UBE4B: variants seen among roughly 807,000 people sequenced by gnomAD.
UBE4B encodes the protein ubiquitination factor E4B.
A neutral mutation model predicts 148.1 loss-of-function variants in UBE4B; 27 were observed. That is an observed-to-expected ratio of 0.18 (90% CI 0.13 to 0.25). The LOEUF (loss-of-function observed/expected upper bound fraction) is 0.25. UBE4B is among the 10% of genes least tolerant of loss of function. The pLI, the probability that UBE4B is intolerant of heterozygous loss-of-function variation, is 1.00. For synonymous variants in UBE4B, 596 were observed against 619.3 expected (o/e 0.96, Z 0.56); for missense variants, 1,170 against 1,662.4 (o/e 0.70, Z 5.15).
intron 4 of UBE4B, among the ~76,000 whole-genome samples, chr1:10,101,974 A>AGG (rs1645019584): frequency 7.0e-6 from 1 of 143,564 alleles, no homozygotes; most frequent in African/African-American, 2.9e-5. Flanking sequence ...CTCTGCATTT[A>AGG]GGGTGTGTGT....
Position 10,102,391 on chromosome 1 carries a change from C to CTTTTTTTTTT in UBE4B, c.436-529_436-520dup, listed in dbSNP as rs33997625. Among the ~76,000 whole-genome samples, 85 of 51,564 alleles carry CTTTTTTTTTT rather than the reference C, an allele frequency of 1.6e-3. 29 individuals carry two copies. The highest frequency in any genetic ancestry group is 2.6e-3 in the East Asian group (4 of 1,568). 33.8% of individuals were successfully genotyped at this position (51,564 alleles called of 152,430 possible). On this transcript the variant is annotated intron_variant, in intron 4 of 27. Transcript: ENST00000343090. ...GGTGACTTTTGATAATGACTTTGCT[C>CTTTTTTTTTT]TTTTTTTTTTTTTTTTTTTTTTTTT...
At chr1:10,131,213 A>G (rs1645587112) in intron 14 of UBE4B, among the ~76,000 whole-genome samples, 1 of 152,236 alleles carries the variant, frequency 6.6e-6, no homozygotes, top group Non-Finnish European at 1.5e-5. Flanking sequence ...GTGATGGCTC[A>G]TGCCTGTAAT....
chr1:10,093,364 A>T (rs1421543171), intron 2 of UBE4B, among the ~76,000 whole-genome samples: 7 of 152,184 alleles, frequency 4.6e-5, no homozygotes, highest in Non-Finnish European at 1.0e-4. Flanking sequence ...GAAATTAATG[A>T]ATCAAAAGTT....
At position 10,126,827 on chromosome 1, in the gene UBE4B, G is replaced by C; in HGVS notation, c.1588G>C (p.Ala530Pro). 2 of 1,613,876 alleles carry C rather than the reference G, an allele frequency of 1.2e-6. No homozygotes were observed. The highest frequency in any genetic ancestry group is 2.2e-5 in the South Asian group (2 of 91,064). ...FIPILQGLAL[A>P]AKECSLDSDY... is the part of the protein sequence containing the mutation. The stretch of plus-strand genomic sequence containing the variant: ...CCCCATTTTACAAGGCCTGGCTCTT[G>C]CTGCCAAAGAGTGCTCCCTCGACAG... The change falls in exon 11 of 28, where the codon GCT (alanine) becomes CCT (proline). Residue 530 changes from alanine (A) to proline (P), a missense_variant. By Grantham distance (27) the Ala-to-Pro change is conservative (BLOSUM62 -1). This residue lies in a region of UBE4B where 388 missense variants were observed against 536.0 expected (regional missense o/e 0.72). Coordinates refer to ENST00000343090, the MANE Select transcript of UBE4B (RefSeq NM_001105562.3).
intron 4 of UBE4B, among the ~76,000 whole-genome samples, chr1:10,101,496 TG>T (rs1645010760): frequency 7.0e-6 from 1 of 143,358 alleles, no homozygotes; most frequent in Admixed American, 7.1e-5. Flanking sequence ...GTTGGTCTTT[TG>T]CTTTTTTTTT....
chr1:10,103,135 A>G (rs779373122), intron 5 of UBE4B, 43 bp downstream of exon 5: 23 of 1,527,822 alleles, frequency 1.5e-5, no homozygotes, highest in Non-Finnish European at 1.9e-5. Context: ...GTACTCGACA[A>G]GAAAATAAGA....
chr1:10,043,352 C>T (rs950561639), intron 1 of UBE4B, among the ~76,000 whole-genome samples: 3 of 150,096 alleles, frequency 2.0e-5, no homozygotes, highest in Non-Finnish European at 3.0e-5. Context: ...GTTTTTCAAT[C>T]ATTTCTGAGA....
chr1:10,078,076 C>T (rs377002186), intron 2 of UBE4B, among the ~76,000 whole-genome samples: 1 of 151,986 alleles, frequency 6.6e-6, no homozygotes, highest in Non-Finnish European at 1.5e-5. Context: ...GTGGCACGAT[C>T]TTGGCTCACT....
At chr1:10,170,136 A>G (rs74499985) in intron 24 of UBE4B, among the ~76,000 whole-genome samples, 2,498 of 152,208 alleles carry the variant, frequency 0.016, 59 homozygotes, top group African/African-American at 0.055. Context: ...CCTTTGCTAC[A>G]CTATTTACTA....
At chr1:10,142,254 A>G (rs1645794464) in intron 17 of UBE4B, among the ~76,000 whole-genome samples, 1 of 152,132 alleles carries the variant, frequency 6.6e-6, no homozygotes, top group Non-Finnish European at 1.5e-5. Context: ...AAGGCCTGTT[A>G]CCTATAAACT....
chr1:10,078,194 A>G (rs921782248), intron 2 of UBE4B, among the ~76,000 whole-genome samples: 7 of 152,078 alleles, frequency 4.6e-5, no homozygotes, highest in Non-Finnish European at 8.8e-5. Context: ...TTTTTAGTAG[A>G]GACAGGGTTT....
chr1:10,072,875 T>A (rs1156489643), intron 2 of UBE4B: 1 of 156,716 alleles, frequency 6.4e-6, no homozygotes, highest in Admixed American at 6.5e-5. Flanking sequence ...TAATTAGGAT[T>A]CTAGTTGCGT....
chr1:10,076,174 G>A (rs1249345397), intron 2 of UBE4B, among the ~76,000 whole-genome samples: 1 of 152,028 alleles, frequency 6.6e-6, no homozygotes, highest in Non-Finnish European at 1.5e-5. Context: ...GGTCTAATGG[G>A]TAGATTTATT....
At chr1:10,076,415 T>C (rs1285485399) in intron 2 of UBE4B, among the ~76,000 whole-genome samples, 2 of 152,082 alleles carry the variant, frequency 1.3e-5, no homozygotes, top group East Asian at 3.9e-4. Flanking sequence ...AGCTAATTTT[T>C]GTATTTTTAG....
rs1250605304 is a variant in UBE4B at position 10,106,885 on chromosome 1, T to TTGGTCTG, written c.1196+302_1196+303insTGGTCTG. On this transcript the variant is annotated intron_variant, in intron 7 of 27. Coordinates refer to ENST00000343090, the MANE Select transcript of UBE4B (RefSeq NM_001105562.3). The surrounding 1 kb of genome is among the most constrained non-coding windows in gnomAD (Gnocchi z 4.2). Reference sequence around the variant, plus strand: ...CTGTTGCCAGTGGTAGTTGAAATGCTATCAGACCAAGCAGGTGTGGGAGCA... The same window carrying TTGGTCTG: ...CTGTTGCCAGTGGTAGTTGAAATGCTTGGTCTGATCAGACCAAGCAGGTGTGGGAGCA... Among the ~76,000 whole-genome samples the TTGGTCTG allele has an allele frequency of 1.3e-5, 2 of 152,280 alleles. No homozygotes were observed. The highest frequency in any genetic ancestry group is 3.9e-4 in the East Asian group (2 of 5,186).
intron 1 of UBE4B, among the ~76,000 whole-genome samples, chr1:10,069,444 G>A (rs1644446544): frequency 6.6e-6 from 1 of 152,202 alleles, no homozygotes; most frequent in Non-Finnish European, 1.5e-5. Context: ...TATCACACAT[G>A]TCATAGGGCA....
Position 10,144,964 on chromosome 1 carries a change from T to C in UBE4B, c.2388T>C (p.Asn796=), listed in dbSNP as rs746801529. The C allele has an allele frequency of 6.2e-7, 1 of 1,613,558 alleles. No individual in the cohort carries two copies. Residue 796 remains asparagine (N), a synonymous_variant, in exon 18 of 28, where the codon AAT becomes AAC. Transcript: ENST00000343090. ...LNRTVEDLKN[N]ESQWKDSPLA... ...GAACTGTAGAAGATTTGAAAAATAA[T>C]GAAAGCCAATGGAAAGATTCCCCAC...
chr1:10,158,703 G>A (rs771736573), intron 22 of UBE4B, among the ~76,000 whole-genome samples: 2 of 152,096 alleles, frequency 1.3e-5, no homozygotes, highest in Non-Finnish European at 2.9e-5. Flanking sequence ...CTTTGGGGGT[G>A]GTACACAAGC....
Position 10,161,212 on chromosome 1 carries a change from C to T in UBE4B, c.3124C>T (p.Leu1042=). The T allele has an allele frequency of 6.2e-7, 1 of 1,614,114 alleles. No homozygotes were observed. Among genetic ancestry groups the T allele is most frequent in the Non-Finnish European group, 8.5e-7 (1 of 1,180,006 alleles). Residue 1042 remains leucine (L), a synonymous_variant, in exon 23 of 28, where the codon CTG becomes TTG. Transcript: ENST00000343090. This position sits in a 1 kb window ranked among gnomAD's most constrained non-coding sequence, Gnocchi z 4.1. ...NDTTFLLDES[L]ESLKRIHEVQ... is the part of the protein sequence containing the mutation. ...CACGACGTTTTTGCTCGATGAAAGT[C>T]TGGAGTCTCTGAAGCGAATCCATGA...
Sources: gnomAD v4.1 joint callset for allele counts (sites outside exome capture counted in the v4.1 genomes callset) on GRCh38, gnomAD v4.1.1 for gene constraint, gnomAD v4.1.1 regional missense constraint, Gnocchi (gnomAD v3.1) non-coding constraint, MANE v1.5 for transcripts, NCBI Gene and HGNC (gene_info 2026-07-23, HGNC 2026-07-21) for gene names.